Variants in EHMT1 observed in about 807,000 individuals in gnomAD.
EHMT1 encodes histone-lysine N-methyltransferase EHMT1.
EHMT1 carries 15 observed loss-of-function variants against 147.2 expected under a neutral mutation model. That is an observed-to-expected ratio of 0.10 (90% CI 0.07 to 0.16). The LOEUF is 0.16. EHMT1 is among the 10% of genes least tolerant of loss of function. The pLI, the probability that EHMT1 is intolerant of heterozygous loss-of-function variation, is 1.00. For synonymous variants in EHMT1, 795 were observed against 709.6 expected (o/e 1.12, Z -1.91); for missense variants, 1,587 against 1,772.4 (o/e 0.90, Z 1.88).
At chr9:137,739,238 C>T (rs969511653) in intron 4 of EHMT1, among the ~76,000 whole-genome samples, 2 of 151,742 alleles carry the variant, frequency 1.3e-5, no homozygotes, top group Non-Finnish European at 1.5e-5. Context: ...GGCGTGGTGG[C>T]CCAGGTACTC....
chr9:137,815,579 A>T (rs1485257238), intron 22 of EHMT1: 1 of 356,272 alleles, frequency 2.8e-6, no homozygotes, highest in African/African-American at 2.1e-5. Context: ...CCAGGAGTGC[A>T]GGAGGGTGCA....
At chr9:137,650,107 A>T (rs929435546) in intron 1 of EHMT1, among the ~76,000 whole-genome samples, 10 of 150,616 alleles carry the variant, frequency 6.6e-5, no homozygotes, top group East Asian at 2.0e-4. Context: ...TTATTTATTT[A>T]TTTTTTTTTG....
intron 4 of EHMT1, 199 bp from the exon 5 acceptor site, chr9:137,743,172 C>T (rs747398277): frequency 1.7e-6 from 1 of 595,344 alleles, no homozygotes; most frequent in Non-Finnish European, 2.9e-6. Flanking sequence ...GGACGTGTTT[C>T]TGATTCTCTG....
chr9:137,716,921 A>G lies in EHMT1; in HGVS notation c.381A>G (p.Leu127=). 6.2e-7 allele frequency: 1 copy of G among 1,612,996 alleles called. No homozygotes were observed. The highest frequency in any genetic ancestry group is 8.5e-7 in the Non-Finnish European group (1 of 1,179,858). The change falls in exon 3 of 27, where the codon TTA becomes TTG. Residue 127 remains leucine, a synonymous_variant. Coordinates refer to ENST00000460843, the MANE Select transcript of EHMT1 (RefSeq NM_024757.5). ...TSVIGSNGYI[L]NKPALQAQPL... ...TCATCGGCAGCAACGGATACATCTT[A>G]AATAAGCCGGCCCTACAGGCACAGC...
At chr9:137,711,668 C>T (rs1022997513) in intron 2 of EHMT1, among the ~76,000 whole-genome samples, 12 of 152,196 alleles carry the variant, frequency 7.9e-5, no homozygotes, top group Middle Eastern at 3.4e-3. Flanking sequence ...GGCTGCACCC[C>T]TCTGTAAGGC....
rs868016541 is a variant in EHMT1, at chr9:137,833,739, C to T, written c.3541-610C>T. Reference sequence around the variant, plus strand: ...CAAGGCACCAGGGTGAGGAGGACGCCTCAGTCTCTTCGGCCTCGTGTTCCA... The same window carrying T: ...CAAGGCACCAGGGTGAGGAGGACGCTTCAGTCTCTTCGGCCTCGTGTTCCA... On this transcript the variant is annotated intron_variant, in intron 25 of 26. Transcript: ENST00000460843. Among the ~76,000 whole-genome samples the T allele has an allele frequency of 3.9e-5, 6 of 152,254 alleles. No individual in the cohort carries two copies. The South Asian group carries it at 1.2e-3, about 32-fold the overall frequency.
intron 1 of EHMT1, among the ~76,000 whole-genome samples, chr9:137,702,298 C>T (rs1396761327): frequency 2.0e-5 from 3 of 152,164 alleles, no homozygotes; most frequent in Non-Finnish European, 4.4e-5. Context: ...TTATCTGAGA[C>T]AAGGTAAGTC....
chr9:137,748,538 A>G (rs1356039823), intron 6 of EHMT1, among the ~76,000 whole-genome samples: 3 of 151,584 alleles, frequency 2.0e-5, no homozygotes, highest in Non-Finnish European at 4.4e-5. Flanking sequence ...GCCTCCATGG[A>G]CTCTGCCATG....
intron 1 of EHMT1, among the ~76,000 whole-genome samples, chr9:137,648,438 T>C (rs1845063111): frequency 6.9e-6 from 1 of 143,888 alleles, no homozygotes; most frequent in Non-Finnish European, 1.5e-5. Flanking sequence ...GAGGACTGCT[T>C]GGGCCCAGAA....
At chr9:137,728,591 C>T (rs1167207962) in intron 4 of EHMT1, 62 bp downstream of exon 4, 1 of 1,607,782 alleles carries the variant, frequency 6.2e-7, no homozygotes, top group Admixed American at 1.7e-5. Flanking sequence ...TGCCCCTTGC[C>T]AGGTGAGAGT....
intron 18 of EHMT1, chr9:137,802,399 G>A (rs1217142002): frequency 2.5e-6 from 1 of 398,542 alleles, no homozygotes; most frequent in Non-Finnish European, 4.4e-6. Flanking sequence ...AGCTGTGTCT[G>A]CCTTCACAGA....
chr9:137,833,489 G>T (rs35632324), intron 25 of EHMT1, among the ~76,000 whole-genome samples: 1 of 152,236 alleles, frequency 6.6e-6, no homozygotes, highest in Non-Finnish European at 1.5e-5. Context: ...CTAGCTGCCG[G>T]CCGGGACCAC....
At chr9:137,715,442 T>C (rs922966443) in intron 2 of EHMT1, 36 of 717,396 alleles carry the variant, frequency 5.0e-5, no homozygotes, top group Middle Eastern at 7.1e-4. Flanking sequence ...CTCATAGGAC[T>C]TAACGTCCTC....
chr9:137,717,605 C>CAAAAAA (rs1163785484), intron 3 of EHMT1, among the ~76,000 whole-genome samples: 1 of 69,610 alleles, frequency 1.4e-5, no homozygotes. Flanking sequence ...GACCCTGTCT[C>CAAAAAA]AAAAAAAAAA....
intron 15 of EHMT1, among the ~76,000 whole-genome samples, chr9:137,790,026 G>A (rs559015417): frequency 1.3e-5 from 2 of 152,288 alleles, no homozygotes; most frequent in South Asian, 2.1e-4. Context: ...TGCCGTGCCC[G>A]GCCTCTCCAC....
chr9:137,769,005 A>C (rs540527460), intron 10 of EHMT1, among the ~76,000 whole-genome samples: 44 of 152,290 alleles, frequency 2.9e-4, no homozygotes, highest in African/African-American at 1.0e-3. Flanking sequence ...ATTCTTTTGA[A>C]TTTGAATTTT....
chr9:137,795,883 G>GA (rs1011156019), intron 16 of EHMT1, among the ~76,000 whole-genome samples: 18 of 150,622 alleles, frequency 1.2e-4, no homozygotes, highest in South Asian at 2.1e-4. Context: ...AGCTTTTCAG[G>GA]AAAAAAAAAC....
intron 15 of EHMT1, among the ~76,000 whole-genome samples, chr9:137,783,297 C>T (rs1490802682): frequency 1.3e-5 from 2 of 152,174 alleles, no homozygotes; most frequent in Non-Finnish European, 2.9e-5. Context: ...GATTTCCTGC[C>T]GTGGTCTGTT....
chr9:137,740,970 G>A (rs1588465223), intron 4 of EHMT1, among the ~76,000 whole-genome samples: 1 of 135,260 alleles, frequency 7.4e-6, no homozygotes, highest in Non-Finnish European at 1.5e-5. Context: ...ACTGGGCCCC[G>A]ACATGATTTT....
Sources: gnomAD v4.1 joint callset for allele counts (sites outside exome capture counted in the v4.1 genomes callset) on GRCh38, gnomAD v4.1.1 for gene constraint, MANE v1.5 for transcripts, NCBI Gene and HGNC (gene_info 2026-07-23, HGNC 2026-07-21) for gene names.